Variants in PIK3R3 observed in about 807,000 individuals in gnomAD.
The protein encoded by PIK3R3 is phosphatidylinositol 3-kinase regulatory subunit gamma.
Under a neutral mutation model 62.9 loss-of-function variants are expected in PIK3R3, and 64 were observed. That is an observed-to-expected ratio of 1.02 (90% CI 0.83 to 1.25). The LOEUF (loss-of-function observed/expected upper bound fraction) is 1.25. PIK3R3 is among the 50% of genes most tolerant of loss of function. The pLI, the probability that PIK3R3 is intolerant of heterozygous loss-of-function variation, is 0.00. For missense variants in PIK3R3, 614 were observed against 561.6 expected, an observed-to-expected ratio of 1.09 and a Z score of -0.94; for synonymous variants, 165 against 189.0, an observed-to-expected ratio of 0.87 and a Z score of 1.04.
chr1:46,074,121 T>A (rs1477924863), intron 3 of PIK3R3, among the ~76,000 whole-genome samples: 2 of 149,110 alleles, frequency 1.3e-5, no homozygotes, highest in African/African-American at 4.9e-5. Flanking sequence ...AAACCCCGCC[T>A]CTACTAAAAA....
At chr1:46,162,716 G>A in the PIK3R3 span, among the ~76,000 whole-genome samples, 1 of 152,088 alleles carries the variant, frequency 6.6e-6, no homozygotes, top group African/African-American at 2.4e-5. Flanking sequence ...CCACCTCCGA[G>A]GTTCAAGTGA....
chr1:46,040,418 C>G lies in PIK3R3; in HGVS notation c.*3255G>C. The G allele has an allele frequency of 4.3e-6, 1 of 231,172 alleles. No individual in the cohort carries two copies. The highest frequency in any genetic ancestry group is 8.6e-6 in the Non-Finnish European group (1 of 116,598). The allele number at this position is 231,172 out of a possible 1,614,324, so 14.3% of individuals were successfully genotyped here. ...CGTAAACTACACGAATTTTCTTGGACACATCAAAGACAACAGAATAGATTT... is the reference window on the plus strand; with the variant it reads ...CGTAAACTACACGAATTTTCTTGGAGACATCAAAGACAACAGAATAGATTT... On this transcript the variant is annotated 3_prime_UTR_variant, in exon 10 of 10. Transcript: ENST00000262741.
intron 5 of PIK3R3, among the ~76,000 whole-genome samples, chr1:46,063,339 C>T (rs1484745499): frequency 6.6e-6 from 1 of 152,170 alleles, no homozygotes; most frequent in African/African-American, 2.4e-5. Context: ...ATGAGGGAGG[C>T]TGGAACCTTG....
chr1:46,154,244 A>G, the PIK3R3 span, among the ~76,000 whole-genome samples: 1 of 152,152 alleles, frequency 6.6e-6, no homozygotes, highest in South Asian at 2.1e-4. Context: ...CATGAATATA[A>G]AAAAGAACAG....
intron 9 of PIK3R3, among the ~76,000 whole-genome samples, chr1:46,045,037 CCATCAGTAG>C (rs1265614065): frequency 6.6e-6 from 1 of 152,232 alleles, no homozygotes; most frequent in African/African-American, 2.4e-5. Context: ...TCTGCCACAT[CCATCAGTAG>C]CATCATCATC....
intron 3 of PIK3R3, among the ~76,000 whole-genome samples, chr1:46,072,335 C>T (rs1649613848): frequency 6.6e-6 from 1 of 152,240 alleles, no homozygotes; most frequent in Non-Finnish European, 1.5e-5. Flanking sequence ...CATCACTCTT[C>T]TGCCTTGCAA....
chr1:46,071,703 A>AT (rs2149402324), intron 3 of PIK3R3, among the ~76,000 whole-genome samples: 1 of 63,298 alleles, frequency 1.6e-5, no homozygotes, highest in African/African-American at 7.7e-5. Flanking sequence ...CTCCAAAAAA[A>AT]AAAAAAAAAA....
chr1:46,108,471 T>C (rs959301442), intron 1 of PIK3R3, among the ~76,000 whole-genome samples: 1 of 152,194 alleles, frequency 6.6e-6, no homozygotes, highest in Non-Finnish European at 1.5e-5. Context: ...ATTTACAGTT[T>C]CTAATCCTAA....
At chr1:46,170,888 T>G in the PIK3R3 span, among the ~76,000 whole-genome samples, 1 of 152,224 alleles carries the variant, frequency 6.6e-6, no homozygotes, top group African/African-American at 2.4e-5. Flanking sequence ...GATATTCTAA[T>G]TTTGTCATCT....
intron 1 of PIK3R3, among the ~76,000 whole-genome samples, chr1:46,082,105 A>G (rs769492068): frequency 1.3e-5 from 2 of 152,216 alleles, no homozygotes; most frequent in Admixed American, 1.3e-4. Flanking sequence ...AGGAAAAACA[A>G]TAATAGTGAA....
intron 7 of PIK3R3, among the ~76,000 whole-genome samples, chr1:46,054,349 T>C (rs145951479): frequency 1.4e-5 from 2 of 140,536 alleles, no homozygotes; most frequent in Admixed American, 8.2e-5. Context: ...GGAGCTGAGA[T>C]TGTGCCATTG....
chr1:46,132,993 G>A (rs1180876084), upstream of PIK3R3: 7 of 1,077,356 alleles, frequency 6.5e-6, no homozygotes, highest in Admixed American at 1.5e-4. Flanking sequence ...GGAGTGGGGC[G>A]AGGGAAGAGA....
intron 3 of PIK3R3, among the ~76,000 whole-genome samples, chr1:46,075,593 G>A (rs888162516): frequency 2.0e-5 from 3 of 151,768 alleles, no homozygotes; most frequent in Admixed American, 1.3e-4. Context: ...CTGCACTCCA[G>A]CCTAGGAGAC....
chr1:46,145,311 A>G, the PIK3R3 span, among the ~76,000 whole-genome samples: 1 of 151,362 alleles, frequency 6.6e-6, no homozygotes, highest in Non-Finnish European at 1.5e-5. Context: ...GCTTCCATCC[A>G]TCCCTGTCTT....
chr1:46,073,676 G>A (rs1649755427), intron 3 of PIK3R3, among the ~76,000 whole-genome samples: 1 of 151,984 alleles, frequency 6.6e-6, no homozygotes. Flanking sequence ...CCGGAGTGCA[G>A]TGGCGCGATC....
the PIK3R3 span, among the ~76,000 whole-genome samples, chr1:46,158,695 C>G: frequency 1.3e-5 from 2 of 152,176 alleles, no homozygotes; most frequent in Non-Finnish European, 2.9e-5. Context: ...CTAAAAAGAT[C>G]ATGAGTCAGA....
At chr1:46,151,754 A>G in the PIK3R3 span, among the ~76,000 whole-genome samples, 1 of 152,062 alleles carries the variant, frequency 6.6e-6, no homozygotes, top group Non-Finnish European at 1.5e-5. Context: ...CCATGGTTAT[A>G]TCTCTTTCCC....
intron 2 of PIK3R3, among the ~76,000 whole-genome samples, chr1:46,080,052 G>A (rs2486447): frequency 0.45 from 67,436 of 150,612 alleles, 15,193 homozygotes; most frequent in East Asian, 0.62. Flanking sequence ...TTTTAAGTGA[G>A]CTTTTTCTTT....
chr1:46,119,356 A>G (rs1654464110), intron 1 of PIK3R3, among the ~76,000 whole-genome samples: 1 of 152,212 alleles, frequency 6.6e-6, no homozygotes, highest in South Asian at 2.1e-4. Flanking sequence ...ACAGTTATTA[A>G]TCTACTAAAT....
Sources: allele counts gnomAD v4.1 joint callset (sites outside exome capture counted in the v4.1 genomes callset), GRCh38; gene constraint gnomAD v4.1.1; transcripts MANE v1.5; gene names NCBI Gene and HGNC (gene_info 2026-07-23, HGNC 2026-07-21).